EYS: variants seen among roughly 807,000 people sequenced by gnomAD.
EYS encodes protein eyes shut homolog.
In EYS, 250 loss-of-function variants were observed where a neutral mutation model predicts 282.1. The ratio of observed to expected loss-of-function variants is 0.89; its 90% CI spans 0.80 to 0.98. The LOEUF is 0.98. EYS is among the 50% of genes least tolerant of loss of function. The pLI is 0.00. For synonymous variants in EYS, 1,355 were observed against 1,282.9 expected, an observed-to-expected ratio of 1.06 and a Z score of -1.20; for missense variants, 4,016 against 3,709.0, an observed-to-expected ratio of 1.08 and a Z score of -2.15.
chr6:65,553,082 T>C (rs1768659660), intron 2 of EYS, among the ~76,000 whole-genome samples: 1 of 152,204 alleles, frequency 6.6e-6, no homozygotes, highest in African/African-American at 2.4e-5. Flanking sequence ...ATTAATTCAT[T>C]GTTTTTAAGT....
chr6:64,959,311 T>C (rs1233355880), intron 14 of EYS, among the ~76,000 whole-genome samples: 1 of 152,242 alleles, frequency 6.6e-6, no homozygotes. Context: ...GTGTTTTGCA[T>C]TGTAGAATGT....
chr6:63,863,537 C>T (rs138186605), intron 36 of EYS, among the ~76,000 whole-genome samples: 36 of 152,060 alleles, frequency 2.4e-4, no homozygotes, highest in African/African-American at 7.2e-4. Flanking sequence ...TTATATATTG[C>T]TCTTGATGCC....
At chr6:64,419,812 G>A (rs566981803) in intron 28 of EYS, among the ~76,000 whole-genome samples, 2 of 152,352 alleles carry the variant, frequency 1.3e-5, no homozygotes, top group East Asian at 1.9e-4. Context: ...GCTTTCAGGG[G>A]CTGGTGTTGA....
chr6:63,958,166 C>T (rs140905744), intron 35 of EYS, among the ~76,000 whole-genome samples: 3 of 140,294 alleles, frequency 2.1e-5, no homozygotes, highest in African/African-American at 7.3e-5. Context: ...TTTGAGTGAA[C>T]AAATATTTAT....
intron 26 of EYS, among the ~76,000 whole-genome samples, chr6:64,536,879 CCAAT>C (rs1003907011): frequency 6.6e-5 from 10 of 151,652 alleles, no homozygotes; most frequent in East Asian, 1.9e-4. Flanking sequence ...AAATCTTTAG[CCAAT>C]CAGATTATAT....
intron 31 of EYS, among the ~76,000 whole-genome samples, chr6:64,177,348 A>ATT (rs71551570): frequency 6.6e-6 from 1 of 151,368 alleles, no homozygotes; most frequent in East Asian, 1.9e-4. Context: ...ATATATATAT[A>ATT]TTTTATTAGG....
intron 35 of EYS, among the ~76,000 whole-genome samples, chr6:63,980,665 C>T (rs1412581808): frequency 6.6e-6 from 1 of 151,806 alleles, no homozygotes; most frequent in Non-Finnish European, 1.5e-5. Flanking sequence ...AATTGATCTG[C>T]TATTTTGAAA....
At chr6:63,867,181 C>T (rs539602594) in intron 35 of EYS, among the ~76,000 whole-genome samples, 2 of 152,244 alleles carry the variant, frequency 1.3e-5, no homozygotes, top group South Asian at 2.1e-4. Flanking sequence ...AAATAGTTTT[C>T]AAAACAGTGT....
intron 26 of EYS, among the ~76,000 whole-genome samples, chr6:64,549,312 G>A (rs1478551682): frequency 6.6e-6 from 1 of 152,102 alleles, no homozygotes; most frequent in African/African-American, 2.4e-5. Context: ...GATGCCAATG[G>A]TACTGCTATA....
At chr6:64,382,322 T>A (rs1772773749) in intron 29 of EYS, among the ~76,000 whole-genome samples, 1 of 152,152 alleles carries the variant, frequency 6.6e-6, no homozygotes, top group Non-Finnish European at 1.5e-5. Flanking sequence ...ACTTCCTGAA[T>A]CATGAATGTA....
At chr6:65,645,251 T>C (rs1767411825) in intron 1 of EYS, among the ~76,000 whole-genome samples, 1 of 152,158 alleles carries the variant, frequency 6.6e-6, no homozygotes, top group Non-Finnish European at 1.5e-5. Flanking sequence ...CATCAGCATA[T>C]GGAACATTCT....
At chr6:63,813,881 G>A (rs553843742) in intron 36 of EYS, among the ~76,000 whole-genome samples, 1 of 152,286 alleles carries the variant, frequency 6.6e-6, no homozygotes, top group African/African-American at 2.4e-5. Flanking sequence ...CAGCAGTGTA[G>A]CGTATCTTGA....
At chr6:64,129,447 C>T (rs1010821370) in intron 31 of EYS, among the ~76,000 whole-genome samples, 1 of 152,154 alleles carries the variant, frequency 6.6e-6, no homozygotes, top group African/African-American at 2.4e-5. Flanking sequence ...CTTGTCTGTT[C>T]ATATCCTTTG....
At chr6:64,082,119 T>G in intron 31 of EYS, 117 bp from the exon 32 acceptor site, 1 of 639,540 alleles carries the variant, frequency 1.6e-6, no homozygotes, top group Non-Finnish European at 2.6e-6. Flanking sequence ...GTATTTAAAA[T>G]GTTAGGTCCA....
chr6:64,288,109 C>G (rs1367505182), intron 30 of EYS, among the ~76,000 whole-genome samples: 3 of 152,120 alleles, frequency 2.0e-5, no homozygotes, highest in Non-Finnish European at 4.4e-5. Flanking sequence ...TTCTTTCATG[C>G]ATTTCATGGA....
chr6:65,389,625 T>C lies in EYS; in HGVS notation c.1185-5125A>G, dbSNP rs544795026. On this transcript the variant is annotated intron_variant, in intron 7 of 42. Coordinates refer to ENST00000503581, the MANE Select transcript of EYS (RefSeq NM_001142800.2). Reference sequence around the variant, plus strand: ...TGTTCATATCCATGATATGTAGTTATGGGAGGGTTTAAAGGATTTGTTGAT... The same window carrying C: ...TGTTCATATCCATGATATGTAGTTACGGGAGGGTTTAAAGGATTTGTTGAT... Among the ~76,000 whole-genome samples, 49 of 152,174 alleles carry C rather than the reference T, an allele frequency of 3.2e-4. No individual in the cohort carries two copies. The Middle Eastern group carries it at 0.01, about 32-fold the overall frequency.
In EYS at chr6:65,061,219, G is replaced by C. The variant is rs1773565717; in HGVS notation, c.2024-3492C>G. ...TTGAATTTAAATGAGATTTCAATTT[G>C]ATTCAGTGAGCTGTAGTAAAATTTC... On this transcript the variant is annotated intron_variant, in intron 12 of 42. Coordinates refer to ENST00000503581, the MANE Select transcript of EYS (RefSeq NM_001142800.2). Among the ~76,000 whole-genome samples, 3 of 151,958 alleles carry C rather than the reference G, an allele frequency of 2.0e-5. No individual in the cohort carries two copies. In the South Asian group the frequency reaches 6.2e-4, roughly 32 times the overall value.
chr6:65,135,353 A>C (rs1005159148), intron 12 of EYS, among the ~76,000 whole-genome samples: 1 of 152,070 alleles, frequency 6.6e-6, no homozygotes, highest in Admixed American at 6.6e-5. Context: ...TTTATTGAAA[A>C]AAAATTAATG....
intron 19 of EYS, among the ~76,000 whole-genome samples, chr6:64,834,825 A>T (rs920791629): frequency 1.3e-5 from 2 of 151,804 alleles, no homozygotes; most frequent in Non-Finnish European, 2.9e-5. Flanking sequence ...TAACAAACAC[A>T]ATTCTTAGTT....
Sources: gnomAD v4.1 joint callset for allele counts (sites outside exome capture counted in the v4.1 genomes callset) on GRCh38, gnomAD v4.1.1 for gene constraint, MANE v1.5 for transcripts, NCBI Gene and HGNC (gene_info 2026-07-23, HGNC 2026-07-21) for gene names.